KIRREL3: variants seen among roughly 807,000 people sequenced by gnomAD.
KIRREL3 encodes kirre like nephrin family adhesion molecule 3.
A neutral mutation model predicts 89.7 loss-of-function variants in KIRREL3; 36 were observed. The ratio of observed to expected loss-of-function variants is 0.40; its 90% CI spans 0.31 to 0.53. KIRREL3 has a LOEUF of 0.53. Ranked by LOEUF, KIRREL3 falls within the 20% of genes least tolerant of loss-of-function variation. The pLI, the probability that KIRREL3 is intolerant of heterozygous loss-of-function variation, is 0.49. For synonymous variants in KIRREL3, 445 were observed against 441.4 expected (o/e 1.01, Z -0.10); for missense variants, 864 against 1,056.6 (o/e 0.82, Z 2.53).
At chr11:126,444,837 C>A in intron 10 of KIRREL3, 142 bp downstream of exon 10, 3 of 1,104,642 alleles carry the variant, frequency 2.7e-6, no homozygotes, top group Non-Finnish European at 3.8e-6. Context: ...AGGAGGTGGA[C>A]CTAATTGTTG....
intron 1 of KIRREL3, among the ~76,000 whole-genome samples, chr11:126,792,956 A>T (rs896311617): frequency 2.0e-5 from 3 of 152,274 alleles, no homozygotes; most frequent in Non-Finnish European, 2.9e-5. Flanking sequence ...GGGCAGGCTC[A>T]GGTTCTTCTA....
intron 1 of KIRREL3, among the ~76,000 whole-genome samples, chr11:126,604,563 C>T (rs1184819551): frequency 1.3e-5 from 2 of 152,228 alleles, no homozygotes; most frequent in Non-Finnish European, 2.9e-5. Context: ...TCCTTCTTGG[C>T]CACTCTAAAT....
In KIRREL3 at chr11:126,981,428, A is replaced by G. The variant is rs1949714731; in HGVS notation, c.55+19027T>C. Among the ~76,000 whole-genome samples the G allele has an allele frequency of 6.6e-6, 1 of 152,174 alleles. No individual in the cohort carries two copies. The highest frequency in any genetic ancestry group is 1.9e-4 in the East Asian group (1 of 5,192). On this transcript the variant is annotated intron_variant, in intron 1 of 16. Transcript: ENST00000525144. This position sits in a 1 kb window ranked among gnomAD's most constrained non-coding sequence, Gnocchi z 4.2. ...GCCATTATTCTGGAGGAAAATGCTC[A>G]GGAGGTGTTATATGTGGTGTAGCTT...
rs117707996 is a variant in KIRREL3, at chr11:126,643,041, C to T, written c.56-80129G>A. Among the ~76,000 whole-genome samples, 1,731 of 139,486 alleles carry T rather than the reference C, an allele frequency of 0.012. 17 individuals carry two copies. The highest frequency in any genetic ancestry group is 0.028 in the East Asian group (129 of 4,656). 91.5% of individuals were successfully genotyped at this position (139,486 alleles called of 152,430 possible). ...ATCTATCCATCCATCCAATGCAAGG[C>T]ATATTGTAATAAAGGAGACACAACT... is the stretch of plus-strand genomic sequence containing the variant. On this transcript the variant is annotated intron_variant, in intron 1 of 16. Transcript: ENST00000525144. The surrounding 1 kb of genome is among the most constrained non-coding windows in gnomAD (Gnocchi z 4.5).
Position 126,761,781 on chromosome 11 carries a change from T to G in KIRREL3, c.56-198869A>C, listed in dbSNP as rs1311355215. The stretch of plus-strand genomic sequence containing the variant: ...TGAGCTGCACTAGTTTGTCTTGGTT[T>G]TATCTTCATTCCTATGAACTCTCTT... On this transcript the variant is annotated intron_variant, in intron 1 of 16. Coordinates refer to ENST00000525144, the MANE Select transcript of KIRREL3 (RefSeq NM_032531.4). The surrounding 1 kb of genome is among the most constrained non-coding windows in gnomAD (Gnocchi z 4.4). 6.6e-6 allele frequency among the ~76,000 whole-genome samples: 1 copy of G among 152,202 alleles called. No individual in the cohort carries two copies. Among genetic ancestry groups the G allele is most frequent in the East Asian group, 1.9e-4 (1 of 5,188 alleles).
chr11:126,554,517 T>A (rs574085866), intron 2 of KIRREL3, among the ~76,000 whole-genome samples: 1 of 152,154 alleles, frequency 6.6e-6, no homozygotes, highest in Non-Finnish European at 1.5e-5. Context: ...TGACTGCCAA[T>A]GTTTCTTTTA....
intron 1 of KIRREL3, among the ~76,000 whole-genome samples, chr11:126,848,744 T>C (rs946875990): frequency 6.6e-6 from 1 of 152,194 alleles, no homozygotes; most frequent in Non-Finnish European, 1.5e-5. Flanking sequence ...ATTGAATGCT[T>C]ATCACTCTTC....
At chr11:126,941,859 G>A (rs1379976566) in intron 1 of KIRREL3, among the ~76,000 whole-genome samples, 1 of 152,140 alleles carries the variant, frequency 6.6e-6, no homozygotes, top group Non-Finnish European at 1.5e-5. Context: ...TAGTTTTTAG[G>A]TTTTCTAGTT....
chr11:126,921,417 A>ATCTG (rs1461263386), intron 1 of KIRREL3, among the ~76,000 whole-genome samples: 1 of 151,644 alleles, frequency 6.6e-6, no homozygotes, highest in African/African-American at 2.4e-5. Flanking sequence ...CTATCTATCT[A>ATCTG]TCTATCTATC....
rs1358085967 is a variant in KIRREL3 at position 126,551,959 on chromosome 11, TA to T, written c.133+10875del. On this transcript the variant is annotated intron_variant, in intron 2 of 16. Coordinates refer to ENST00000525144, the MANE Select transcript of KIRREL3 (RefSeq NM_032531.4). The surrounding 1 kb of genome is among the most constrained non-coding windows in gnomAD (Gnocchi z 4.9). The stretch of plus-strand genomic sequence containing the variant: ...CTGTGCCCAGCCTGCAGGCTTTCTT[TA>T]GATTTGAAGAAAAGATTCCAAAACC... 6.6e-6 allele frequency among the ~76,000 whole-genome samples: 1 copy of T among 152,198 alleles called. No homozygotes were observed. The highest frequency in any genetic ancestry group is 2.4e-5 in the African/African-American group (1 of 41,456).
chr11:126,500,482 G>A (rs999431402), intron 4 of KIRREL3, among the ~76,000 whole-genome samples: 70 of 152,212 alleles, frequency 4.6e-4, no homozygotes, highest in African/African-American at 1.7e-3. Flanking sequence ...GCTCATGCCT[G>A]TAATCCCAGC....
chr11:126,704,833 T>C lies in KIRREL3; in HGVS notation c.56-141921A>G, dbSNP rs1017446199. Reference sequence around the variant, plus strand: ...AAGCTGGGGGGCTCCTAAAGGAAGATACTGGGATTCTCAATAGGCCATCAC... The same window carrying C: ...AAGCTGGGGGGCTCCTAAAGGAAGACACTGGGATTCTCAATAGGCCATCAC... On this transcript the variant is annotated intron_variant, in intron 1 of 16. Transcript: ENST00000525144. The surrounding 1 kb of genome is among the most constrained non-coding windows in gnomAD (Gnocchi z 4.2). Among the ~76,000 whole-genome samples the C allele has an allele frequency of 2.0e-5, 3 of 152,174 alleles. No individual in the cohort carries two copies. The highest frequency in any genetic ancestry group is 4.4e-5 in the Non-Finnish European group (3 of 68,030).
rs374957945 is a variant in KIRREL3 at position 126,779,823 on chromosome 11, T to C, written c.56-216911A>G. On this transcript the variant is annotated intron_variant, in intron 1 of 16. Transcript: ENST00000525144. Reference sequence around the variant, plus strand: ...TCTCCTTTTTCAAGTGGTGTTCCAGTTTCCATGAACTGATATACATAATAC... The same window carrying C: ...TCTCCTTTTTCAAGTGGTGTTCCAGCTTCCATGAACTGATATACATAATAC... Among the ~76,000 whole-genome samples the C allele has an allele frequency of 9.1e-4, 138 of 152,270 alleles. 3 individuals carry two copies. Among genetic ancestry groups the C allele is most frequent in the African/African-American group, 3.0e-3 (123 of 41,562 alleles).
chr11:126,435,236 C>T, intron 13 of KIRREL3, 32 bp downstream of exon 13: 1 of 1,612,844 alleles, frequency 6.2e-7, no homozygotes, highest in Middle Eastern at 1.7e-4. Context: ...TTCCCCCCTT[C>T]CCAGGGCCAT....
intron 5 of KIRREL3, among the ~76,000 whole-genome samples, chr11:126,472,037 C>T (rs975459255): frequency 4.6e-5 from 7 of 152,268 alleles, no homozygotes; most frequent in African/African-American, 1.2e-4. Context: ...GGAGCCTAAA[C>T]GGCTTCACCT....
rs570514857 is a variant in KIRREL3 at position 126,711,057 on chromosome 11, A to G, written c.56-148145T>C. ...CCCAAGAAAAATCTGTGGTCTACAC[A>G]AATCAACCTAACCACTGAATCATCA... On this transcript the variant is annotated intron_variant, in intron 1 of 16. Transcript: ENST00000525144. 1.1e-3 allele frequency among the ~76,000 whole-genome samples: 160 copies of G among 152,292 alleles called. 2 individuals are homozygous for G. The South Asian group carries it at 0.024, about 23-fold the overall frequency.
At chr11:126,665,293 G>A (rs572136682) in intron 1 of KIRREL3, among the ~76,000 whole-genome samples, 1 of 152,280 alleles carries the variant, frequency 6.6e-6, no homozygotes, top group Admixed American at 6.5e-5. Context: ...CACTGAGACT[G>A]CCAGCTCTGA....
In KIRREL3 at chr11:126,446,757, A is replaced by G; in HGVS notation, c.1125+2T>C. Reference sequence around the variant, plus strand: ...GCCCCGAGGTCTGAGCTGCAGCCTCACCACTCCGGAGCCCCGCTTCATCCA... The same window carrying G: ...GCCCCGAGGTCTGAGCTGCAGCCTCGCCACTCCGGAGCCCCGCTTCATCCA... On this transcript the variant is annotated splice_donor_variant, in intron 9 of 16. Transcript: ENST00000525144. LOFTEE classifies it high-confidence loss of function. 6.3e-7 allele frequency: 1 copy of G among 1,598,162 alleles called. No homozygotes were observed. The highest frequency in any genetic ancestry group is 8.5e-7 in the Non-Finnish European group (1 of 1,172,646).
At position 126,703,860 on chromosome 11, in the gene KIRREL3, T is replaced by C. The variant is rs756922154; in HGVS notation, c.56-140948A>G. Reference sequence around the variant, plus strand: ...TGGGATGTCCTCCCAACACAGGCCATTAATCTCACTCAAGGGCCAGTGCTG... The same window carrying C: ...TGGGATGTCCTCCCAACACAGGCCACTAATCTCACTCAAGGGCCAGTGCTG... On this transcript the variant is annotated intron_variant, in intron 1 of 16. Coordinates refer to ENST00000525144, the MANE Select transcript of KIRREL3 (RefSeq NM_032531.4). This position sits in a 1 kb window ranked among gnomAD's most constrained non-coding sequence, Gnocchi z 4.6. 6.6e-6 allele frequency among the ~76,000 whole-genome samples: 1 copy of C among 152,170 alleles called. No individual in the cohort carries two copies. The highest frequency in any genetic ancestry group is 1.5e-5 in the Non-Finnish European group (1 of 68,020).
Sources: allele counts gnomAD v4.1 joint callset (sites outside exome capture counted in the v4.1 genomes callset), GRCh38; gene constraint gnomAD v4.1.1; non-coding constraint Gnocchi (gnomAD v3.1); transcripts MANE v1.5; gene names NCBI Gene and HGNC (gene_info 2026-07-23, HGNC 2026-07-21).